Variants in PTPRA observed in about 807,000 individuals in gnomAD.
PTPRA encodes receptor-type tyrosine-protein phosphatase alpha.
A neutral mutation model predicts 104.8 loss-of-function variants in PTPRA; 25 were observed. The observed-to-expected ratio is 0.24, with a 90% CI of 0.17 to 0.33. The LOEUF is 0.33. Ranked by LOEUF, PTPRA falls within the 10% of genes least tolerant of loss-of-function variation. PTPRA has a pLI of 1.00. For missense variants in PTPRA, 765 were observed against 1,015.3 expected, an observed-to-expected ratio of 0.75 and a Z score of 3.35; for synonymous variants, 323 against 368.9, an observed-to-expected ratio of 0.88 and a Z score of 1.43.
intron 2 of PTPRA, among the ~76,000 whole-genome samples, chr20:2,930,927 C>G (rs1482707389): frequency 2.0e-5 from 3 of 152,138 alleles, no homozygotes; most frequent in East Asian, 3.9e-4. Context: ...ATTTTCAAAT[C>G]TATTGTTTAT....
intron 9 of PTPRA, among the ~76,000 whole-genome samples, chr20:2,989,195 G>A (rs944495075): frequency 2.6e-5 from 4 of 152,210 alleles, no homozygotes; most frequent in African/African-American, 9.7e-5. Flanking sequence ...AACACTTTGG[G>A]AGGCTGAGGC....
At chr20:2,890,779 C>G (rs1050500287) in intron 1 of PTPRA, among the ~76,000 whole-genome samples, 1 of 152,194 alleles carries the variant, frequency 6.6e-6, no homozygotes, top group Non-Finnish European at 1.5e-5. Context: ...GGCCACTCCT[C>G]AGTTCCCTAG....
chr20:2,980,177 G>A (rs1324894008), intron 6 of PTPRA, among the ~76,000 whole-genome samples: 1 of 151,796 alleles, frequency 6.6e-6, no homozygotes, highest in East Asian at 2.0e-4. Context: ...CTCCCAAAGT[G>A]TTGGGATTAC....
At chr20:2,940,895 G>C (rs1375981982) in intron 2 of PTPRA, among the ~76,000 whole-genome samples, 1 of 152,034 alleles carries the variant, frequency 6.6e-6, no homozygotes, top group East Asian at 1.9e-4. Context: ...TTCTTGTCCT[G>C]CTTTAGTGAT....
At chr20:2,949,129 A>G (rs1243269882) in intron 3 of PTPRA, among the ~76,000 whole-genome samples, 1 of 151,814 alleles carries the variant, frequency 6.6e-6, no homozygotes, top group Admixed American at 6.6e-5. Flanking sequence ...CTTCCTTCCC[A>G]TCTGATTCCT....
Position 2,988,463 on chromosome 20 carries a change from G to A in PTPRA, c.727G>A (p.Glu243Lys). The A allele has an allele frequency of 6.2e-7, 1 of 1,613,090 alleles. No homozygotes were observed. Among genetic ancestry groups the A allele is most frequent in the Non-Finnish European group, 8.5e-7 (1 of 1,179,820 alleles). Residue 243 changes from glutamate to lysine, a missense_variant, in exon 9 of 24, where the codon GAG (glutamate) becomes AAG (lysine). Glu to Lys is a moderately conservative substitution (Grantham distance 56). Coordinates refer to ENST00000399903, the MANE Select transcript of PTPRA (RefSeq NM_001385305.1). Reference sequence around the variant, plus strand: ...GGCAGACGACAATAAGCTCTTCAGGGAGGAATTCAACGTGAGTACTTTGTT... The same window carrying A: ...GGCAGACGACAATAAGCTCTTCAGGAAGGAATTCAACGTGAGTACTTTGTT... ...RMADDNKLFR[E>K]EFNALPACPI...
chr20:2,946,825 G>T (rs2061151088), intron 2 of PTPRA, among the ~76,000 whole-genome samples: 1 of 151,740 alleles, frequency 6.6e-6, no homozygotes, highest in African/African-American at 2.4e-5. Flanking sequence ...TCCAGCCTGG[G>T]CAACAGAGCG....
intron 3 of PTPRA, among the ~76,000 whole-genome samples, chr20:2,956,056 C>G (rs769603382): frequency 6.6e-6 from 1 of 152,196 alleles, no homozygotes; most frequent in African/African-American, 2.4e-5. Flanking sequence ...CCTCCAACAT[C>G]TCATTAGCCT....
At chr20:2,900,801 G>A (rs2059203511) in intron 1 of PTPRA, among the ~76,000 whole-genome samples, 1 of 146,538 alleles carries the variant, frequency 6.8e-6, no homozygotes, top group Non-Finnish European at 1.5e-5. Context: ...AGGTTGCAGT[G>A]ACCCAAGATC....
intron 1 of PTPRA, among the ~76,000 whole-genome samples, chr20:2,883,074 TC>T (rs1325189045): frequency 6.7e-6 from 1 of 148,852 alleles, no homozygotes; most frequent in Non-Finnish European, 1.5e-5. Context: ...AGCCTTGACC[TC>T]CTGGGCTCGG....
At chr20:2,952,314 T>G (rs1348876747) in intron 3 of PTPRA, among the ~76,000 whole-genome samples, 1 of 152,176 alleles carries the variant, frequency 6.6e-6, no homozygotes, top group Admixed American at 6.5e-5. Context: ...TCCTAATGAT[T>G]AATAGTTTGC....
At position 3,037,883 on chromosome 20, in the gene PTPRA, C is replaced by G. The variant is rs2065881511; in HGVS notation, c.2335-176C>G. Among the ~76,000 whole-genome samples the G allele has an allele frequency of 6.6e-6, 1 of 152,138 alleles. No individual in the cohort carries two copies. The highest frequency in any genetic ancestry group is 1.5e-5 in the Non-Finnish European group (1 of 68,028). On this transcript the variant is annotated intron_variant, in intron 23 of 23. Transcript: ENST00000399903. The surrounding 1 kb of genome is among the most constrained non-coding windows in gnomAD (Gnocchi z 4.3). ...TTGTAGAAGGTCTGCTGCATTCAGC[C>G]CGGAAGGGGAATGCTGTCAGAACTC...
intron 1 of PTPRA, among the ~76,000 whole-genome samples, chr20:2,897,586 C>CA (rs2059059725): frequency 6.6e-6 from 1 of 151,930 alleles, no homozygotes; most frequent in Non-Finnish European, 1.5e-5. Flanking sequence ...TGGGGTTTCA[C>CA]CATGTTGGCT....
intron 20 of PTPRA, 45 bp downstream of exon 20, chr20:3,027,886 A>G: frequency 6.2e-7 from 1 of 1,606,850 alleles, no homozygotes; most frequent in South Asian, 1.1e-5. Context: ...AGACAGCATG[A>G]AAAGATGTGT....
intron 1 of PTPRA, among the ~76,000 whole-genome samples, chr20:2,909,782 T>G (rs1026127265): frequency 4.5e-5 from 6 of 132,452 alleles, no homozygotes; most frequent in African/African-American, 8.5e-5. Flanking sequence ...TATAAGATAA[T>G]ATAATATATA....
chr20:2,868,633 TTTTTTTTTTTTTTTTG>T (rs1348669613), upstream of PTPRA, among the ~76,000 whole-genome samples: 2 of 137,664 alleles, frequency 1.5e-5, no homozygotes, highest in African/African-American at 5.6e-5. Context: ...TTTTTTTTTT[TTTTTTTTTTTTTTTTG>T]TCCCCAGTCT....
chr20:2,879,369 T>C (rs1427914373), intron 1 of PTPRA, among the ~76,000 whole-genome samples: 2 of 152,196 alleles, frequency 1.3e-5, no homozygotes, highest in Non-Finnish European at 2.9e-5. Flanking sequence ...AACCAGCTCC[T>C]GGGTGAGGCA....
At chr20:2,955,418 A>G (rs938164848) in intron 3 of PTPRA, among the ~76,000 whole-genome samples, 2 of 152,230 alleles carry the variant, frequency 1.3e-5, no homozygotes, top group African/African-American at 4.8e-5. Context: ...AGTAGAAGTT[A>G]AGAATCTATT....
chr20:2,998,177 CA>C (rs11475589), intron 9 of PTPRA, among the ~76,000 whole-genome samples: 34,283 of 83,190 alleles, frequency 0.41, 3,577 homozygotes, highest in East Asian at 0.63. Flanking sequence ...GACTCTGTCT[CA>C]AAAAAAAAAA....
Sources: gnomAD v4.1 joint callset for allele counts (sites outside exome capture counted in the v4.1 genomes callset) on GRCh38, gnomAD v4.1.1 for gene constraint, Gnocchi (gnomAD v3.1) non-coding constraint, MANE v1.5 for transcripts, NCBI Gene and HGNC (gene_info 2026-07-23, HGNC 2026-07-21) for gene names.